C5: variants seen among roughly 807,000 people sequenced by gnomAD.
C5 encodes the protein complement C5.
In C5, 140 loss-of-function variants were observed where a neutral mutation model predicts 218.8. The ratio of observed to expected loss-of-function variants is 0.64; its 90% CI spans 0.56 to 0.74. The LOEUF (loss-of-function observed/expected upper bound fraction) is 0.74. Ranked by LOEUF, C5 falls within the 30% of genes least tolerant of loss-of-function variation. C5 has a pLI of 0.00. For synonymous variants in C5, 614 were observed against 682.3 expected (o/e 0.90, Z 1.56); for missense variants, 1,700 against 1,969.6 (o/e 0.86, Z 2.59).
intron 20 of C5, 91 bp downstream of exon 20, chr9:121,005,828 C>T (rs1329024251): frequency 1.5e-6 from 2 of 1,332,222 alleles, no homozygotes; most frequent in East Asian, 2.3e-5. Flanking sequence ...AGTTGAACTT[C>T]TACTTTTTTG....
At position 120,997,695 on chromosome 9, in the gene C5, G is replaced by A. The variant is rs754814772; in HGVS notation, c.2642C>T (p.Ser881Phe). ...CTCTACTTTCTGGCGCACACATTTG[G>A]AGGACTTTGTGCCCTGATGATCAAT... is the stretch of plus-strand genomic sequence containing the variant. ...PVIDHQGTKS[S>F]KCVRQKVEGS... The change falls in exon 21 of 41, where the codon TCC (serine) becomes TTC (phenylalanine). Residue 881 changes from serine (S) to phenylalanine (F), a missense_variant. Ser to Phe is a radical substitution (Grantham distance 155, BLOSUM62 -2). Coordinates refer to ENST00000223642, the MANE Select transcript of C5 (RefSeq NM_001735.3). 9.3e-6 allele frequency: 15 copies of A among 1,614,168 alleles called. 1 individual carries two copies. The South Asian group carries it at 1.5e-4, about 17-fold the overall frequency.
rs546655994 is a variant in C5, at chr9:121,012,471, G to A, written c.2257+1402C>T. Among the ~76,000 whole-genome samples, 7 of 152,152 alleles carry A rather than the reference G, an allele frequency of 4.6e-5. No homozygotes were observed. In the East Asian group the frequency reaches 7.7e-4, roughly 17 times the overall value. On this transcript the variant is annotated intron_variant, in intron 17 of 40. Coordinates refer to ENST00000223642, the MANE Select transcript of C5 (RefSeq NM_001735.3). ...GGAGGTTGCAGTGAGCTGAGACTGC[G>A]CCATTGCACTCCAGCCTGGGCAACA...
chr9:120,967,760 C>T (rs2046879887), intron 33 of C5, among the ~76,000 whole-genome samples: 4 of 151,438 alleles, frequency 2.6e-5, no homozygotes, highest in Admixed American at 2.0e-4. Flanking sequence ...CTCAATTTTT[C>T]GTCCAGGTTG....
intron 39 of C5, among the ~76,000 whole-genome samples, chr9:120,955,676 C>T (rs1407319315): frequency 6.6e-6 from 1 of 151,818 alleles, no homozygotes; most frequent in Non-Finnish European, 1.5e-5. Flanking sequence ...AAGTTTCATA[C>T]AATGAAACTT....
chr9:121,021,686 A>C lies in C5; in HGVS notation c.1125T>G (p.Val375=), dbSNP rs778186090. The C allele has an allele frequency of 4.3e-6, 7 of 1,613,254 alleles. No homozygotes were observed. The Admixed American group carries it at 1.2e-4, about 27-fold the overall frequency. ...PGIPYPIKVQ[V]KDSLDQLVGG... is the part of the protein sequence containing the mutation. ...CTACCAACTGGTCAAGCGAATCTTTAACCTGCACCTGTTTGTCAAAACAAT... is the reference window on the plus strand; with the variant it reads ...CTACCAACTGGTCAAGCGAATCTTTCACCTGCACCTGTTTGTCAAAACAAT... Residue 375 remains valine (V), a synonymous_variant, in exon 11 of 41, where the codon GTT becomes GTG. Transcript: ENST00000223642.
intron 9 of C5, among the ~76,000 whole-genome samples, 166 bp downstream of exon 9, chr9:121,025,288 A>T (rs10818498): frequency 6.6e-6 from 1 of 151,918 alleles, no homozygotes; most frequent in East Asian, 1.9e-4. Flanking sequence ...CTGCCTTTTT[A>T]TAACTATATA....
At chr9:121,046,486 A>G (rs2047629015) in intron 1 of C5, 103 bp from the exon 2 acceptor site, 1 of 774,874 alleles carries the variant, frequency 1.3e-6, no homozygotes, top group Non-Finnish European at 2.2e-6. Context: ...TAAAATACAT[A>G]TATTTCCTCA....
At chr9:120,999,466 G>A (rs1359872568) in intron 20 of C5, among the ~76,000 whole-genome samples, 1 of 152,206 alleles carries the variant, frequency 6.6e-6, no homozygotes, top group African/African-American at 2.4e-5. Flanking sequence ...TACCACAGCT[G>A]AATAGTGAAG....
chr9:121,030,550 A>G, intron 6 of C5, 63 bp from the exon 7 acceptor site: 1 of 897,806 alleles, frequency 1.1e-6, no homozygotes, highest in Non-Finnish European at 1.8e-6. Context: ...AAAGCCTAGC[A>G]AACAGCTAGA....
At position 120,972,384 on chromosome 9, in the gene C5, TTAGAACCCAGAGCAG is replaced by T. The variant is rs1461726889; in HGVS notation, c.4018-407_4018-393del. ...TGTGTGCCAATGGAGATCGTTTTCA[TTAGAACCCAGAGCAG>T]GGAACCTCCACATAACTTGAAAGCG... On this transcript the variant is annotated intron_variant, in intron 30 of 40. Transcript: ENST00000223642. 3.3e-5 allele frequency among the ~76,000 whole-genome samples: 5 copies of T among 152,318 alleles called. No individual in the cohort carries two copies. The South Asian group carries it at 1.0e-3, about 32-fold the overall frequency.
chr9:121,008,496 T>A lies in C5; in HGVS notation c.2260A>T (p.Met754Leu). The change falls in exon 18 of 41, where the codon ATG becomes TTG. Residue 754 changes from methionine to leucine, a missense_variant and splice_region_variant. By Grantham distance (15) the Met-to-Leu change is conservative. Coordinates refer to ENST00000223642, the MANE Select transcript of C5 (RefSeq NM_001735.3). Reference protein sequence around the residue: ...HKDMQLGRLHMKTLLPVSKPE... With the variant: ...HKDMQLGRLHLKTLLPVSKPE... The stretch of plus-strand genomic sequence containing the variant: ...TTGCTTACTGGTAACAGGGTCTTCA[T>A]GTCTGGACAAAAAAATCATATTCAA... The A allele has an allele frequency of 1.2e-6, 2 of 1,609,186 alleles. No homozygotes were observed. Among genetic ancestry groups the A allele is most frequent in the Non-Finnish European group, 1.7e-6 (2 of 1,175,602 alleles).
At chr9:121,058,637 C>A in the C5 span, among the ~76,000 whole-genome samples, 2 of 151,686 alleles carry the variant, frequency 1.3e-5, no homozygotes, top group African/African-American at 4.8e-5. Context: ...TGGGGTTTCA[C>A]CATATTGGCC....
At chr9:121,051,450 A>G (rs2131832068), upstream of C5, among the ~76,000 whole-genome samples, 1 of 152,080 alleles carries the variant, frequency 6.6e-6, no homozygotes, top group Admixed American at 6.5e-5. Context: ...AATTTTTATG[A>G]TGTTTTATGT....
chr9:120,957,208 T>C (rs2046792375), intron 39 of C5, 77 bp downstream of exon 39: 1 of 986,786 alleles, frequency 1.0e-6, no homozygotes, highest in Admixed American at 1.7e-5. Context: ...ATCTTCTGTG[T>C]TTAATATAAT....
intron 7 of C5, among the ~76,000 whole-genome samples, 171 bp from the exon 8 acceptor site, chr9:121,027,445 A>C (rs2047434268): frequency 6.6e-6 from 1 of 152,178 alleles, no homozygotes; most frequent in Non-Finnish European, 1.5e-5. Flanking sequence ...TTCAAACTAT[A>C]CTACAAGGCT....
At chr9:120,975,249 C>G (rs1162644966) in intron 29 of C5, among the ~76,000 whole-genome samples, 2 of 152,192 alleles carry the variant, frequency 1.3e-5, no homozygotes, top group Admixed American at 1.3e-4. Context: ...CTTCCTCATC[C>G]TTTAGTCTGA....
chr9:120,974,631 G>A (rs955821514), intron 30 of C5, 148 bp downstream of exon 30: 8 of 765,564 alleles, frequency 1.0e-5, no homozygotes, highest in Middle Eastern at 7.2e-4. Context: ...CAGTGCCCAG[G>A]ATATAGCAGG....
At chr9:121,037,828 T>A (rs1346693782) in intron 4 of C5, 53 bp downstream of exon 4, 4 of 807,154 alleles carry the variant, frequency 5.0e-6, no homozygotes, top group African/African-American at 1.7e-5. Context: ...TGAAATGAGA[T>A]TCTTGTCCTG....
At chr9:121,071,588 GGGA>G in the C5 span, among the ~76,000 whole-genome samples, 1 of 152,138 alleles carries the variant, frequency 6.6e-6, no homozygotes, top group East Asian at 1.9e-4. Context: ...GGGAGGCTGA[GGGA>G]GGAGGATCAC....
Sources: allele counts gnomAD v4.1 joint callset (sites outside exome capture counted in the v4.1 genomes callset), GRCh38; gene constraint gnomAD v4.1.1; transcripts MANE v1.5; gene names NCBI Gene and HGNC (gene_info 2026-07-23, HGNC 2026-07-21).